Variants in ACOT12 observed in about 807,000 individuals in gnomAD.
ACOT12 encodes acyl-CoA thioesterase 12, also known as acetyl-coenzyme A thioesterase.
In ACOT12, 51 loss-of-function variants were observed where a neutral mutation model predicts 67.7. The ratio of observed to expected loss-of-function variants is 0.75; its 90% confidence interval spans 0.60 to 0.95. The LOEUF is 0.95. ACOT12 is among the 40% of genes least tolerant of loss of function. ACOT12 has a pLI of 0.00. For synonymous variants in ACOT12, 251 were observed against 244.6 expected (o/e 1.03, Z -0.24); for missense variants, 734 against 708.1 (o/e 1.04, Z -0.41).
chr5:81,392,906 A>G (rs1281092789), intron 1 of ACOT12, among the ~76,000 whole-genome samples: 1 of 152,166 alleles, frequency 6.6e-6, no homozygotes, highest in South Asian at 2.1e-4. Context: ...CATGGCAGAG[A>G]GAAGCTCTCC....
chr5:81,320,978 T>G, the ACOT12 span, among the ~76,000 whole-genome samples: 1 of 152,170 alleles, frequency 6.6e-6, no homozygotes, highest in African/African-American at 2.4e-5. Context: ...CTTCTTGGCC[T>G]GGCAAGATGG....
chr5:81,366,329 A>G (rs1760077006), intron 3 of ACOT12, among the ~76,000 whole-genome samples: 1 of 152,230 alleles, frequency 6.6e-6, no homozygotes, highest in Non-Finnish European at 1.5e-5. Flanking sequence ...AAAATATTAG[A>G]TGCAAGAAAA....
chr5:81,391,972 G>A (rs7702227), intron 1 of ACOT12, among the ~76,000 whole-genome samples: 37,956 of 152,006 alleles, frequency 0.25, 4,973 homozygotes, highest in Middle Eastern at 0.36. Context: ...ATAAAAAACC[G>A]TGTGTGTGAG....
At chr5:81,338,705 C>A (rs764315998) in intron 11 of ACOT12, among the ~76,000 whole-genome samples, 4 of 152,196 alleles carry the variant, frequency 2.6e-5, no homozygotes, top group Non-Finnish European at 4.4e-5. Context: ...TTAAAGCAAG[C>A]AGGCTCAAAA....
chr5:81,363,633 T>C (rs1162476808), intron 4 of ACOT12, among the ~76,000 whole-genome samples, 155 bp downstream of exon 4: 1 of 152,164 alleles, frequency 6.6e-6, no homozygotes, highest in Non-Finnish European at 1.5e-5. Context: ...TACCACAGAG[T>C]GATAACTTTT....
chr5:81,330,942 T>C lies in ACOT12; in HGVS notation c.1392-2A>G. 2 of 1,587,010 alleles carry C rather than the reference T, an allele frequency of 1.3e-6. No individual in the cohort carries two copies. The highest frequency in any genetic ancestry group is 1.2e-5 in the South Asian group (1 of 86,800). ...TTCACTGCCACTGTGTAAGTGTTAC[T>C]GAAAGAAAACACTTTCTAAGCTCTT... On this transcript the variant is annotated splice_acceptor_variant, in intron 13 of 14. Transcript: ENST00000307624. LOFTEE classifies it high-confidence loss of function.
At chr5:81,379,336 G>T (rs1178361380) in intron 2 of ACOT12, among the ~76,000 whole-genome samples, 1 of 151,394 alleles carries the variant, frequency 6.6e-6, no homozygotes, top group Non-Finnish European at 1.5e-5. Flanking sequence ...GTCAGGGGGT[G>T]GGGGGCTAGG....
chr5:81,344,812 G>A, intron 8 of ACOT12, 79 bp downstream of exon 8: 1 of 1,540,686 alleles, frequency 6.5e-7, no homozygotes, highest in Non-Finnish European at 8.9e-7. Context: ...CAAAGAGGTT[G>A]TTGCCGGTGG....
intron 1 of ACOT12, among the ~76,000 whole-genome samples, chr5:81,388,353 G>A (rs74920302): frequency 2.9e-4 from 44 of 152,280 alleles, no homozygotes; most frequent in African/African-American, 9.9e-4. Context: ...CATTACATGC[G>A]TGCTGTGTTT....
At chr5:81,358,399 G>A (rs1759791231) in intron 5 of ACOT12, among the ~76,000 whole-genome samples, 2 of 152,310 alleles carry the variant, frequency 1.3e-5, no homozygotes, top group Admixed American at 1.3e-4. Flanking sequence ...GCCTCAGGGT[G>A]CCTCAGCAGC....
At chr5:81,358,566 T>C (rs1759797213) in intron 5 of ACOT12, among the ~76,000 whole-genome samples, 1 of 152,184 alleles carries the variant, frequency 6.6e-6, no homozygotes. Context: ...TAACTTGGTC[T>C]GGGCTGGGCA....
At position 81,385,765 on chromosome 5, in the gene ACOT12, C is replaced by G. The variant is rs1486943978; in HGVS notation, c.189G>C (p.Glu63Asp). Residue 63 changes from glutamate (E) to aspartate (D), a missense_variant, in exon 2 of 15, where the codon GAG (glutamate) becomes GAC (aspartate). Coordinates refer to ENST00000307624, the MANE Select transcript of ACOT12 (RefSeq NM_130767.3). ...GGAGCAATGTCACTTACCTAGCTGT[C>G]TCCTCAAACTGTATGTCATCCACTG... ...TASVDDIQFE[E>D]TARVGQVITI... 8 of 1,614,068 alleles carry G rather than the reference C, an allele frequency of 5.0e-6. No homozygotes were observed. The highest frequency in any genetic ancestry group is 6.8e-6 in the Non-Finnish European group (8 of 1,179,992).
intron 3 of ACOT12, among the ~76,000 whole-genome samples, chr5:81,367,033 C>T (rs1760101978): frequency 6.6e-6 from 1 of 152,156 alleles, no homozygotes; most frequent in African/African-American, 2.4e-5. Flanking sequence ...TCCATAGATC[C>T]AGTAGCTCTA....
chr5:81,389,987 C>G (rs1760822639), intron 1 of ACOT12, among the ~76,000 whole-genome samples: 1 of 141,668 alleles, frequency 7.1e-6, no homozygotes, highest in African/African-American at 2.7e-5. Context: ...CAGGGTCTTG[C>G]TCTGTTACCC....
the ACOT12 span, among the ~76,000 whole-genome samples, chr5:81,317,887 AT>A: frequency 2.2e-3 from 291 of 134,722 alleles, no homozygotes; most frequent in Middle Eastern, 3.8e-3. Context: ...TAGGTTCACA[AT>A]TTTTTTTTTT....
At chr5:81,382,523 G>A (rs530525141) in intron 2 of ACOT12, among the ~76,000 whole-genome samples, 3 of 152,166 alleles carry the variant, frequency 2.0e-5, no homozygotes, top group African/African-American at 2.4e-5. Context: ...TTGCCCAGGC[G>A]CAGTGGCTCA....
chr5:81,394,072 T>C lies in ACOT12; in HGVS notation c.43A>G (p.Ile15Val). 1 of 1,472,236 alleles carries C rather than the reference T, an allele frequency of 6.8e-7. No homozygotes were observed. The highest frequency in any genetic ancestry group is 2.3e-5 in the Admixed American group (1 of 42,584). 91.2% of individuals were successfully genotyped at this position (1,472,236 alleles called of 1,614,324 possible). The change falls in exon 1 of 15, where the codon ATC (isoleucine) becomes GTC (valine). Residue 15 changes from isoleucine (I) to valine (V), a missense_variant. Transcript: ENST00000307624. ...APGEVVMSQA[I>V]QPAHATARGE... is the part of the protein sequence containing the mutation. ...CGCGCAGTGGCGTGCGCCGGCTGGA[T>C]GGCTTGGCTCATGACCACCTCGCCG...
At chr5:81,335,720 T>C (rs1272443441) in intron 12 of ACOT12, 48 bp downstream of exon 12, 1 of 1,577,792 alleles carries the variant, frequency 6.3e-7, no homozygotes, top group East Asian at 2.2e-5. Context: ...GATCATCTTT[T>C]ACATTATGTC....
intron 10 of ACOT12, 28 bp from the exon 11 acceptor site, chr5:81,342,783 G>C (rs372211366): frequency 2.7e-5 from 43 of 1,605,710 alleles, no homozygotes; most frequent in Non-Finnish European, 3.7e-5. Context: ...TATTTTTAAA[G>C]CTATGTGTTC....
Sources: allele counts gnomAD v4.1 joint callset (sites outside exome capture counted in the v4.1 genomes callset), GRCh38; gene constraint gnomAD v4.1.1; transcripts MANE v1.5; gene names NCBI Gene and HGNC (gene_info 2026-07-23, HGNC 2026-07-21).